The following SSBP2 variants were observed in gnomAD, a reference collection of about 807,000 sequenced individuals.
SSBP2 encodes single stranded DNA binding protein 2.
In SSBP2, 17 loss-of-function variants were observed where a neutral mutation model predicts 61.8. The ratio of observed to expected loss-of-function variants is 0.28; its 90% CI spans 0.19 to 0.41. SSBP2 has a LOEUF of 0.41. Among genes scored for constraint, SSBP2 ranks in the 10% least tolerant of loss-of-function variants. The pLI, the probability that SSBP2 is intolerant of heterozygous loss-of-function variation, is 1.00. For missense variants in SSBP2, 310 were observed against 458.7 expected, an observed-to-expected ratio of 0.68 and a Z score of 2.96; for synonymous variants, 139 against 141.3, an observed-to-expected ratio of 0.98 and a Z score of 0.12.
At chr5:81,655,317 TAC>T (rs534255751) in intron 1 of SSBP2, among the ~76,000 whole-genome samples, 16 of 152,158 alleles carry the variant, frequency 1.1e-4, no homozygotes, top group Non-Finnish European at 2.2e-4. Context: ...TTTATTAAAA[TAC>T]AGAGTGGCTA....
At chr5:81,663,592 A>T (rs1750875452) in intron 1 of SSBP2, among the ~76,000 whole-genome samples, 1 of 152,210 alleles carries the variant, frequency 6.6e-6, no homozygotes, top group Non-Finnish European at 1.5e-5. Flanking sequence ...ACAATACTGA[A>T]GTACACAGAG....
At chr5:81,454,177 G>A (rs554167913) in intron 10 of SSBP2, among the ~76,000 whole-genome samples, 1 of 152,306 alleles carries the variant, frequency 6.6e-6, no homozygotes, top group African/African-American at 2.4e-5. Flanking sequence ...GGTGGCTGGA[G>A]ACTGAGGAAG....
At chr5:81,554,347 A>T (rs35340025) in intron 4 of SSBP2, among the ~76,000 whole-genome samples, 1 of 151,642 alleles carries the variant, frequency 6.6e-6, no homozygotes, top group Admixed American at 6.6e-5. Flanking sequence ...TCTTTCATTC[A>T]AAACCATTTC....
At chr5:81,620,489 T>G (rs539954290) in intron 3 of SSBP2, among the ~76,000 whole-genome samples, 141 of 149,630 alleles carry the variant, frequency 9.4e-4, no homozygotes, top group African/African-American at 3.2e-3. Context: ...TCCATGCTCA[T>G]GGGTAGGAAG....
At chr5:81,500,181 A>G (rs897106210) in intron 5 of SSBP2, among the ~76,000 whole-genome samples, 1 of 152,182 alleles carries the variant, frequency 6.6e-6, no homozygotes. Context: ...ACTATGTAAG[A>G]TGGTATTGAA....
At chr5:81,626,231 A>G (rs1430730519) in intron 3 of SSBP2, among the ~76,000 whole-genome samples, 3 of 152,240 alleles carry the variant, frequency 2.0e-5, no homozygotes, top group African/African-American at 7.2e-5. Flanking sequence ...TAAAATTCTC[A>G]CAATACTCCT....
intron 6 of SSBP2, among the ~76,000 whole-genome samples, chr5:81,485,441 G>T (rs1766310846): frequency 6.6e-6 from 1 of 151,990 alleles, no homozygotes; most frequent in Non-Finnish European, 1.5e-5. Flanking sequence ...TGGTTTCAGG[G>T]GAACTCAAAT....
intron 1 of SSBP2, among the ~76,000 whole-genome samples, chr5:81,660,553 T>G (rs1339304965): frequency 6.6e-6 from 1 of 152,194 alleles, no homozygotes; most frequent in Non-Finnish European, 1.5e-5. Context: ...TTTTACACTG[T>G]TGGTGGGAAT....
chr5:81,545,641 GGATATATATACAAT>G (rs1771675251), intron 4 of SSBP2, among the ~76,000 whole-genome samples: 1 of 152,010 alleles, frequency 6.6e-6, no homozygotes, highest in South Asian at 2.1e-4. Context: ...ATATACTCTG[GGATATATATACAAT>G]GAACAAGACA....
In SSBP2 at chr5:81,415,551, A is replaced by G. The variant is rs1166688857; in HGVS notation, c.*4953T>C. Reference sequence around the variant, plus strand: ...TTCCAATATTTTTTATCAGGAGTTGATTGAATCAGGGATGTGGAACCTGTG... The same window carrying G: ...TTCCAATATTTTTTATCAGGAGTTGGTTGAATCAGGGATGTGGAACCTGTG... On this transcript the variant is annotated 3_prime_UTR_variant, in exon 17 of 17. Transcript: ENST00000320672. The G allele has an allele frequency of 6.6e-6, 1 of 151,938 alleles. No homozygotes were observed. Among genetic ancestry groups the G allele is most frequent in the African/African-American group, 2.4e-5 (1 of 41,300 alleles). 9.4% of individuals were successfully genotyped at this position (151,938 alleles called of 1,614,324 possible). A position where few individuals can be genotyped will look rare whatever the true frequency, so the allele number is the denominator to read the frequency against.
chr5:81,497,784 T>C (rs1390772292), intron 5 of SSBP2, among the ~76,000 whole-genome samples: 1 of 152,158 alleles, frequency 6.6e-6, no homozygotes, highest in Non-Finnish European at 1.5e-5. Context: ...AGGTTTCTCT[T>C]ACTGTTTCTG....
rs766994399 is a variant in SSBP2, at chr5:81,415,922, A to AAAAAAAAAAAAAGAAAAGAAAAG, written c.*4581_*4582insCTTTTCTTTTCTTTTTTTTTTTT. 1.4e-5 allele frequency: 1 copy of AAAAAAAAAAAAAGAAAAGAAAAG among 73,744 alleles called. No homozygotes were observed. The highest frequency in any genetic ancestry group is 2.3e-5 in the Non-Finnish European group (1 of 43,590). 4.6% of individuals were successfully genotyped at this position (73,744 alleles called of 1,614,324 possible). A position where few individuals can be genotyped will look rare whatever the true frequency, so the allele number is the denominator to read the frequency against. ...GCAAGATTCTGACTCAAAAAAAAAA[A>AAAAAAAAAAAAAGAAAAGAAAAG]AAAAAAAGAGGAAAACCTGATCAAG... On this transcript the variant is annotated 3_prime_UTR_variant, in exon 17 of 17. Transcript: ENST00000320672.
intron 15 of SSBP2, among the ~76,000 whole-genome samples, chr5:81,431,615 G>C (rs1011563311): frequency 1.3e-5 from 2 of 151,608 alleles, no homozygotes; most frequent in East Asian, 3.9e-4. Flanking sequence ...TTGAGACATG[G>C]TATCTGTCAC....
At chr5:81,499,032 T>C (rs1049175747) in intron 5 of SSBP2, among the ~76,000 whole-genome samples, 1 of 152,170 alleles carries the variant, frequency 6.6e-6, no homozygotes, top group African/African-American at 2.4e-5. Flanking sequence ...TTCATGAACA[T>C]CTCCATCAGA....
At chr5:81,717,315 A>ACAG (rs1217759517) in intron 1 of SSBP2, among the ~76,000 whole-genome samples, 1 of 152,196 alleles carries the variant, frequency 6.6e-6, no homozygotes, top group African/African-American at 2.4e-5. Flanking sequence ...CACTATATGT[A>ACAG]CAGCATCTAT....
chr5:81,548,742 G>GA (rs1268042158), intron 4 of SSBP2, among the ~76,000 whole-genome samples: 1 of 152,136 alleles, frequency 6.6e-6, no homozygotes, highest in African/African-American at 2.4e-5. Flanking sequence ...CTAACACAGT[G>GA]AAATCCCGTC....
chr5:81,517,743 A>T (rs989192180), intron 4 of SSBP2, among the ~76,000 whole-genome samples: 2 of 152,026 alleles, frequency 1.3e-5, no homozygotes, highest in Non-Finnish European at 2.9e-5. Context: ...ACTGATTTTT[A>T]AAAATATTTT....
At chr5:81,580,840 C>T (rs1467525609) in intron 4 of SSBP2, among the ~76,000 whole-genome samples, 2 of 151,910 alleles carry the variant, frequency 1.3e-5, no homozygotes, top group African/African-American at 4.8e-5. Context: ...AAGTGCTCAG[C>T]TTCTAGTTCC....
chr5:81,596,242 C>A (rs1284485761), intron 4 of SSBP2, among the ~76,000 whole-genome samples: 1 of 151,572 alleles, frequency 6.6e-6, no homozygotes, highest in Non-Finnish European at 1.5e-5. Flanking sequence ...TTCACAATTG[C>A]TTCAAAGAGA....
Sources: gnomAD v4.1 joint callset for allele counts (sites outside exome capture counted in the v4.1 genomes callset) on GRCh38, gnomAD v4.1.1 for gene constraint, MANE v1.5 for transcripts, NCBI Gene and HGNC (gene_info 2026-07-23, HGNC 2026-07-21) for gene names.